The following GRIN2B variants were observed in gnomAD, a reference collection of about 807,000 sequenced individuals.
GRIN2B encodes the protein glutamate ionotropic receptor NMDA type subunit 2B, also known as glutamate receptor ionotropic, NMDA 2B.
GRIN2B carries 5 observed loss-of-function variants against 114.5 expected under a neutral mutation model. The ratio of observed to expected loss-of-function variants is 0.04; its 90% confidence interval spans 0.02 to 0.09. The LOEUF is 0.09. Among genes scored for constraint, GRIN2B ranks in the 10% least tolerant of loss-of-function variants. The pLI, the probability that GRIN2B is intolerant of heterozygous loss-of-function variation, is 1.00. For synonymous variants in GRIN2B, 787 were observed against 745.1 expected, an observed-to-expected ratio of 1.06 and a Z score of -0.92; for missense variants, 1,108 against 1,943.5, an observed-to-expected ratio of 0.57 and a Z score of 8.08.
intron 12 of GRIN2B, among the ~76,000 whole-genome samples, chr12:13,567,894 TA>T (rs1948661562): frequency 6.6e-6 from 1 of 152,110 alleles, no homozygotes; most frequent in Non-Finnish European, 1.5e-5. Context: ...TTCTGTACTT[TA>T]TATTATAGAC....
intron 5 of GRIN2B, among the ~76,000 whole-genome samples, chr12:13,655,150 G>A (rs146026634): frequency 2.0e-5 from 3 of 152,028 alleles, no homozygotes; most frequent in Non-Finnish European, 4.4e-5. Flanking sequence ...ATCATTTGGA[G>A]AGAATCAACA....
At chr12:13,827,970 G>A (rs7956097) in intron 3 of GRIN2B, among the ~76,000 whole-genome samples, 38,627 of 152,156 alleles carry the variant, frequency 0.25, 5,031 homozygotes, top group South Asian at 0.32. Context: ...GTGAGCCACC[G>A]CACCCAGCCT....
chr12:13,816,306 G>GT (rs1336432864), intron 3 of GRIN2B, among the ~76,000 whole-genome samples: 5 of 152,162 alleles, frequency 3.3e-5, no homozygotes, highest in African/African-American at 4.8e-5. Context: ...AAAGTAGATG[G>GT]TTATGGAAAT....
intron 3 of GRIN2B, among the ~76,000 whole-genome samples, chr12:13,759,098 C>G (rs1377251779): frequency 6.9e-6 from 1 of 145,132 alleles, no homozygotes; most frequent in East Asian, 2.1e-4. Context: ...ACCTCTGCCT[C>G]TCAGGTTCAA....
Position 13,733,372 on chromosome 12 carries a change from C to T in GRIN2B, c.1010+19945G>A, listed in dbSNP as rs1053837740. Among the ~76,000 whole-genome samples, 24 of 151,812 alleles carry T rather than the reference C, an allele frequency of 1.6e-4. 1 individual carries two copies. Among genetic ancestry groups the T allele is most frequent in the African/African-American group, 5.8e-4 (24 of 41,338 alleles). On this transcript the variant is annotated intron_variant, in intron 4 of 13. Transcript: ENST00000609686. Reference sequence around the variant, plus strand: ...ACTTCCCCAAAAGTAAAAGCTCTACCAAGTAGGCCTGAGAAGAGGAAAGCA... The same window carrying T: ...ACTTCCCCAAAAGTAAAAGCTCTACTAAGTAGGCCTGAGAAGAGGAAAGCA...
rs143095160 is a variant in GRIN2B, at chr12:13,750,346, T to C, written c.1010+2971A>G. On this transcript the variant is annotated intron_variant, in intron 4 of 13. Coordinates refer to ENST00000609686, the MANE Select transcript of GRIN2B (RefSeq NM_000834.5). ...AAAACCAATTGCGATTTCAGAGATATGTGGTTAGAAACCAGGCTTCAGAGA... is the reference window on the plus strand; with the variant it reads ...AAAACCAATTGCGATTTCAGAGATACGTGGTTAGAAACCAGGCTTCAGAGA... Among the ~76,000 whole-genome samples the C allele has an allele frequency of 1.3e-3, 204 of 152,340 alleles. 3 individuals carry two copies. The highest frequency in any genetic ancestry group is 4.6e-3 in the African/African-American group (190 of 41,576).
intron 3 of GRIN2B, among the ~76,000 whole-genome samples, chr12:13,774,988 G>A (rs1052318317): frequency 6.6e-6 from 1 of 152,104 alleles, no homozygotes; most frequent in Non-Finnish European, 1.5e-5. Flanking sequence ...AAATGATGAT[G>A]ATGATGATGA....
At chr12:13,956,857 C>G (rs1394398655) in intron 2 of GRIN2B, among the ~76,000 whole-genome samples, 1 of 152,170 alleles carries the variant, frequency 6.6e-6, no homozygotes, top group African/African-American at 2.4e-5. Flanking sequence ...AGTCAGAGTT[C>G]AGATCCTCCC....
intron 2 of GRIN2B, among the ~76,000 whole-genome samples, chr12:13,869,744 GTGAATGAA>G (rs144473371): frequency 6.6e-6 from 1 of 152,038 alleles, no homozygotes; most frequent in African/African-American, 2.4e-5. Context: ...TGAGTGTTGA[GTGAATGAA>G]TGAATGAATG....
chr12:13,655,283 T>G (rs563387234), intron 5 of GRIN2B, among the ~76,000 whole-genome samples: 1 of 152,284 alleles, frequency 6.6e-6, no homozygotes, highest in East Asian at 1.9e-4. Flanking sequence ...TTCAAGCTTG[T>G]TCTCCTAACC....
intron 3 of GRIN2B, among the ~76,000 whole-genome samples, chr12:13,788,249 T>G (rs1187415479): frequency 6.6e-6 from 1 of 152,174 alleles, no homozygotes; most frequent in Non-Finnish European, 1.5e-5. Context: ...GATGTTGAAT[T>G]GCGGGGACAG....
intron 10 of GRIN2B, among the ~76,000 whole-genome samples, chr12:13,600,397 G>T (rs1167030647): frequency 6.6e-6 from 1 of 152,270 alleles, no homozygotes; most frequent in Non-Finnish European, 1.5e-5. Flanking sequence ...ACGCACATGG[G>T]AAACCTGTGT....
At chr12:13,881,135 C>T (rs1438420609) in intron 2 of GRIN2B, among the ~76,000 whole-genome samples, 2 of 152,222 alleles carry the variant, frequency 1.3e-5, no homozygotes, top group East Asian at 3.8e-4. Context: ...TTGTTCTATT[C>T]CTCACCTTGT....
rs1256056090 is a variant in GRIN2B, at chr12:13,538,097, C to T, written c.*24686G>A. On this transcript the variant is annotated 3_prime_UTR_variant, in exon 14 of 14. Transcript: ENST00000609686. ...AATAGGGGAATAGAAATATTCAAAT[C>T]AAGTGTTCAGGGTAGGTTCTACCTT... 1.3e-5 allele frequency: 2 copies of T among 152,186 alleles called. No individual in the cohort carries two copies. The highest frequency in any genetic ancestry group is 6.5e-5 in the Admixed American group (1 of 15,280). The allele number at this position is 152,186 out of a possible 1,614,324, so 9.4% of individuals were successfully genotyped here.
chr12:13,789,066 C>T (rs1264102761), intron 3 of GRIN2B, among the ~76,000 whole-genome samples: 2 of 116,658 alleles, frequency 1.7e-5, no homozygotes, highest in African/African-American at 5.7e-5. Context: ...TTAAAGAGTC[C>T]TGGTTGTTGT....
chr12:13,752,903 C>T (rs992380399), intron 4 of GRIN2B, among the ~76,000 whole-genome samples: 2 of 152,258 alleles, frequency 1.3e-5, no homozygotes, highest in South Asian at 2.1e-4. Context: ...TCTTTCTTTG[C>T]GATCAAGTAG....
At chr12:13,730,349 C>T (rs913175993) in intron 4 of GRIN2B, among the ~76,000 whole-genome samples, 4 of 152,146 alleles carry the variant, frequency 2.6e-5, no homozygotes, top group Non-Finnish European at 5.9e-5. Context: ...CCCAATAAAA[C>T]AAGCAAAATT....
At chr12:13,650,366 C>A (rs1030924805) in intron 5 of GRIN2B, among the ~76,000 whole-genome samples, 2 of 151,986 alleles carry the variant, frequency 1.3e-5, no homozygotes, top group African/African-American at 4.8e-5. Flanking sequence ...TTCAGGACAC[C>A]AATCAGATCA....
chr12:13,743,509 T>A (rs766125341), intron 4 of GRIN2B, among the ~76,000 whole-genome samples: 1 of 152,130 alleles, frequency 6.6e-6, no homozygotes, highest in Non-Finnish European at 1.5e-5. Context: ...TTTGACACAT[T>A]ATTAAGATCT....
Sources: allele counts gnomAD v4.1 joint callset (sites outside exome capture counted in the v4.1 genomes callset), GRCh38; gene constraint gnomAD v4.1.1; transcripts MANE v1.5; gene names NCBI Gene and HGNC (gene_info 2026-07-23, HGNC 2026-07-21).